Variants in PDE1C observed in about 807,000 individuals in gnomAD.
PDE1C encodes phosphodiesterase 1C.
Under a neutral mutation model 93.1 loss-of-function variants are expected in PDE1C, and 62 were observed. The ratio of observed to expected loss-of-function variants is 0.67; its 90% CI spans 0.54 to 0.82. The LOEUF is 0.82. Ranked by LOEUF, PDE1C falls within the 40% of genes least tolerant of loss-of-function variation. PDE1C has a pLI of 0.00. For synonymous variants in PDE1C, 325 were observed against 310.1 expected (o/e 1.05, Z -0.50); for missense variants, 742 against 884.6 (o/e 0.84, Z 2.04).
chr7:32,126,534 C>A (rs942871380), intron 3 of PDE1C, among the ~76,000 whole-genome samples: 3 of 152,122 alleles, frequency 2.0e-5, no homozygotes, highest in Non-Finnish European at 2.9e-5. Flanking sequence ...GTAAATAACA[C>A]AGGATCTATG....
At chr7:31,819,347 T>C (rs1274991038) in intron 14 of PDE1C, among the ~76,000 whole-genome samples, 1 of 152,168 alleles carries the variant, frequency 6.6e-6, no homozygotes, top group Non-Finnish European at 1.5e-5. Flanking sequence ...CAGATTCCTT[T>C]ATATTTTCTG....
intron 2 of PDE1C, among the ~76,000 whole-genome samples, chr7:31,895,884 C>T (rs1799244762): frequency 6.6e-6 from 1 of 152,014 alleles, no homozygotes; most frequent in South Asian, 2.1e-4. Flanking sequence ...TGAGGCCTCC[C>T]CAGCCATGTG....
chr7:32,346,460 C>A (rs1410198657), intron 1 of PDE1C, among the ~76,000 whole-genome samples: 1 of 152,196 alleles, frequency 6.6e-6, no homozygotes, highest in Non-Finnish European at 1.5e-5. Flanking sequence ...GGAAAGGTAA[C>A]CTTGCAGTGG....
intron 3 of PDE1C, among the ~76,000 whole-genome samples, chr7:32,124,770 C>T (rs1799481136): frequency 6.6e-6 from 1 of 152,262 alleles, no homozygotes; most frequent in Non-Finnish European, 1.5e-5. Flanking sequence ...ACCATAAAAA[C>T]CCTATGAGAA....
intron 7 of PDE1C, among the ~76,000 whole-genome samples, chr7:31,858,615 A>G (rs891236892): frequency 6.6e-6 from 1 of 152,150 alleles, no homozygotes; most frequent in African/African-American, 2.4e-5. Flanking sequence ...ACCTTATGTT[A>G]TTTTTAAGAA....
At chr7:31,863,656 G>T (rs183004407) in intron 7 of PDE1C, among the ~76,000 whole-genome samples, 1 of 152,094 alleles carries the variant, frequency 6.6e-6, no homozygotes, top group African/African-American at 2.4e-5. Context: ...AATGATCATA[G>T]GTTTTACAAA....
At chr7:31,654,398 CAA>C in the PDE1C span, among the ~76,000 whole-genome samples, 93 of 152,248 alleles carry the variant, frequency 6.1e-4, no homozygotes, top group Middle Eastern at 3.4e-3. Context: ...AGGCCATGAC[CAA>C]GTCTTTGCAT....
the PDE1C span, chr7:31,652,679 T>C: frequency 6.2e-7 from 1 of 1,613,796 alleles, no homozygotes; most frequent in Non-Finnish European, 8.5e-7. Context: ...AGGCTCCCTG[T>C]TCAGGTGGGA....
At chr7:31,918,279 G>T (rs529788720) in intron 2 of PDE1C, among the ~76,000 whole-genome samples, 8 of 152,158 alleles carry the variant, frequency 5.3e-5, no homozygotes, top group Admixed American at 5.2e-4. Context: ...TTCCATCCTG[G>T]CTTCAAAGTT....
At position 31,877,993 on chromosome 7, in the gene PDE1C, G is replaced by T. The variant is rs781110865; in HGVS notation, c.469C>A (p.Pro157Thr). Residue 157 changes from proline to threonine, a missense_variant, in exon 5 of 18, where the codon CCA becomes ACA. This residue lies in a region of PDE1C where 205 missense variants were observed against 295.3 expected (regional missense o/e 0.69). Transcript: ENST00000396191. ...ACCTTTAATGCCTCAATAACAGCTG[G>T]TGGATAGCTCAGTCCAACCATGTTT... ...TSNMVGLSYP[P>T]AVIEALKDVD... 4 of 1,612,646 alleles carry T rather than the reference G, an allele frequency of 2.5e-6. No homozygotes were observed. The South Asian group carries it at 3.3e-5, about 13-fold the overall frequency.
intron 3 of PDE1C, among the ~76,000 whole-genome samples, chr7:32,117,720 T>C (rs904574707): frequency 6.6e-5 from 10 of 152,236 alleles, no homozygotes; most frequent in Non-Finnish European, 1.3e-4. Flanking sequence ...GTGTTTCTTA[T>C]GGCAGGTTGC....
chr7:31,625,335 C>A, the PDE1C span, among the ~76,000 whole-genome samples: 315 of 151,880 alleles, frequency 2.1e-3, 2 homozygotes, highest in African/African-American at 7.3e-3. Flanking sequence ...ATGTTTATTG[C>A]GGCACTATTC....
chr7:31,650,340 G>A, the PDE1C span, among the ~76,000 whole-genome samples: 1 of 152,190 alleles, frequency 6.6e-6, no homozygotes, highest in African/African-American at 2.4e-5. Context: ...CAGGGACACA[G>A]CCTTGTGCTG....
chr7:31,980,899 T>C (rs1176932674), intron 2 of PDE1C, among the ~76,000 whole-genome samples: 1 of 152,180 alleles, frequency 6.6e-6, no homozygotes, highest in African/African-American at 2.4e-5. Flanking sequence ...GCCTCTCACT[T>C]ATAAGCAGCC....
chr7:31,933,078 A>T (rs989918392), intron 2 of PDE1C, among the ~76,000 whole-genome samples: 2 of 152,006 alleles, frequency 1.3e-5, no homozygotes, highest in African/African-American at 4.8e-5. Flanking sequence ...GTTAAGGGGC[A>T]AGCAGAGGGA....
intron 3 of PDE1C, among the ~76,000 whole-genome samples, chr7:32,157,895 A>G (rs1238093259): frequency 3.3e-5 from 5 of 152,248 alleles, no homozygotes; most frequent in Non-Finnish European, 5.9e-5. Context: ...ATTTTAAAAA[A>G]CAAATGCAAA....
chr7:31,681,929 T>C, the PDE1C span, among the ~76,000 whole-genome samples: 2 of 152,216 alleles, frequency 1.3e-5, no homozygotes, highest in Non-Finnish European at 2.9e-5. Context: ...TTGTGTCTTT[T>C]TGAAAGTGAG....
rs537945275 is a variant in PDE1C at position 31,891,839 on chromosome 7, C to T, written c.129-10979G>A. On this transcript the variant is annotated intron_variant, in intron 2 of 17. Coordinates refer to ENST00000396191, the MANE Select transcript of PDE1C (RefSeq NM_001191057.4). ...ACACACACACACACACACACACACACGTGAGTACAATAAAACTGGAGGGCT... is the reference window on the plus strand; with the variant it reads ...ACACACACACACACACACACACACATGTGAGTACAATAAAACTGGAGGGCT... 1.3e-3 allele frequency among the ~76,000 whole-genome samples: 187 copies of T among 147,842 alleles called. 1 individual carries two copies. The highest frequency in any genetic ancestry group is 2.1e-3 in the Non-Finnish European group (140 of 67,006).
intron 3 of PDE1C, among the ~76,000 whole-genome samples, chr7:32,147,347 T>C (rs1800959516): frequency 2.1e-5 from 3 of 143,190 alleles, no homozygotes; most frequent in Admixed American, 2.1e-4. Flanking sequence ...TGTTTGTAGG[T>C]ATGCTTTGTG....
Sources: gnomAD v4.1 joint callset for allele counts (sites outside exome capture counted in the v4.1 genomes callset) on GRCh38, gnomAD v4.1.1 for gene constraint, gnomAD v4.1.1 regional missense constraint, MANE v1.5 for transcripts, NCBI Gene and HGNC (gene_info 2026-07-23, HGNC 2026-07-21) for gene names.